The following MYH15 variants were observed in gnomAD, a reference collection of about 807,000 sequenced individuals.
The protein encoded by MYH15 is myosin heavy chain 15, also known as myosin-15.
In MYH15, 227 loss-of-function variants were observed where a neutral mutation model predicts 240.5. The observed-to-expected ratio is 0.94, with a 90% CI of 0.85 to 1.05. MYH15 has a LOEUF of 1.05. MYH15 is among the 50% of genes least tolerant of loss of function. MYH15 has a pLI of 0.00. For synonymous variants in MYH15, 785 were observed against 796.7 expected, an observed-to-expected ratio of 0.99 and a Z score of 0.25; for missense variants, 2,217 against 2,247.5, an observed-to-expected ratio of 0.99 and a Z score of 0.27.
chr3:108,470,008 A>T lies in MYH15; in HGVS notation c.1554+34T>A, dbSNP rs764664959. On this transcript the variant is annotated intron_variant, in intron 14 of 40. Coordinates refer to ENST00000693548, the MANE Select transcript of MYH15 (RefSeq NM_014981.3). ...TAGCAGGCAGGGACAATTCTCCCGA[A>T]ATGAAAATGGACAAAGAGAAAAACA... 26 of 1,581,200 alleles carry T rather than the reference A, an allele frequency of 1.6e-5. No homozygotes were observed. The South Asian group carries it at 3.0e-4, about 19-fold the overall frequency.
chr3:108,434,024 C>T (rs1034294055), intron 25 of MYH15, among the ~76,000 whole-genome samples: 3 of 151,850 alleles, frequency 2.0e-5, no homozygotes, highest in African/African-American at 4.8e-5. Flanking sequence ...ATATCACATA[C>T]ATTTGCATGT....
intron 12 of MYH15, 78 bp from the exon 13 acceptor site, chr3:108,470,925 G>A (rs2083168821): frequency 2.1e-6 from 3 of 1,447,908 alleles, no homozygotes; most frequent in South Asian, 2.7e-5. Context: ...ATCAGCAACT[G>A]CCTTCTAGTC....
rs967049645 is a variant in MYH15 at position 108,455,900 on chromosome 3, A to C, written c.2139-41T>G. 2.5e-6 allele frequency: 4 copies of C among 1,572,690 alleles called. No individual in the cohort carries two copies. The African/African-American group carries it at 5.4e-5, about 21-fold the overall frequency. On this transcript the variant is annotated intron_variant, in intron 19 of 40. Transcript: ENST00000693548. ...GAAAAAATCATGAGTTTGGGAAATC[A>C]TATTATTCAAATAAAGACTAATCTA... is the stretch of plus-strand genomic sequence containing the variant.
In MYH15 at chr3:108,389,011, C is replaced by T. The variant is rs1266807318; in HGVS notation, c.5494G>A (p.Ala1832Thr). The T allele has an allele frequency of 6.2e-7, 1 of 1,613,814 alleles. No individual in the cohort carries two copies. Among genetic ancestry groups the T allele is most frequent in the Non-Finnish European group, 8.5e-7 (1 of 1,179,846 alleles). ...IRRSAEAQRG[A>T]RRLERCIKEL... ...TTGATGCATCGCTCAAGTCTGCGGG[C>T]TCCCCTCTGGGCCTCTGCACTGCGA... The change falls in exon 38 of 41, where the codon GCC (alanine) becomes ACC (threonine). Residue 1832 changes from alanine (A) to threonine (T), a missense_variant. By Grantham distance (58) the Ala-to-Thr change is moderately conservative. Transcript: ENST00000693548.
chr3:108,479,928 T>C (rs1270732229), intron 11 of MYH15, among the ~76,000 whole-genome samples: 1 of 152,216 alleles, frequency 6.6e-6, no homozygotes, highest in African/African-American at 2.4e-5. Flanking sequence ...TATAATACAA[T>C]TTTTGAGCTG....
Position 108,384,446 on chromosome 3 carries a change from T to C in MYH15, c.5631+241A>G, listed in dbSNP as rs113473746. ...TTTACCTATCTCATTTCTTGTTGTG[T>C]ACCTGTTTGGGTGCAACCACAAAGG... On this transcript the variant is annotated intron_variant, in intron 39 of 40. Transcript: ENST00000693548. Among the ~76,000 whole-genome samples the C allele has an allele frequency of 2.5e-3, 385 of 152,274 alleles. 4 individuals carry two copies. The highest frequency in any genetic ancestry group is 8.3e-3 in the African/African-American group (343 of 41,546).
At chr3:108,397,119 A>C (rs928697135) in intron 35 of MYH15, among the ~76,000 whole-genome samples, 3 of 152,148 alleles carry the variant, frequency 2.0e-5, no homozygotes, top group Admixed American at 6.5e-5. Context: ...AAACTTCCTA[A>C]AATGCAAATC....
intron 6 of MYH15, among the ~76,000 whole-genome samples, chr3:108,497,201 C>T (rs1350647794): frequency 7.2e-6 from 1 of 139,728 alleles, no homozygotes; most frequent in Non-Finnish European, 1.5e-5. Flanking sequence ...TCAATGATAC[C>T]CAAAGAAATC....
chr3:108,466,068 A>G (rs923289468), intron 14 of MYH15, among the ~76,000 whole-genome samples: 1 of 152,250 alleles, frequency 6.6e-6, no homozygotes, highest in Non-Finnish European at 1.5e-5. Flanking sequence ...AGCATGCAAC[A>G]ACATGTAAAC....
intron 25 of MYH15, among the ~76,000 whole-genome samples, chr3:108,432,758 C>G (rs2082789633): frequency 6.6e-6 from 1 of 152,214 alleles, no homozygotes; most frequent in Non-Finnish European, 1.5e-5. Flanking sequence ...CAACTTCCAC[C>G]TGGTATGGAG....
chr3:108,542,790 A>G, the MYH15 span, among the ~76,000 whole-genome samples: 1 of 151,986 alleles, frequency 6.6e-6, no homozygotes, highest in Non-Finnish European at 1.5e-5. Flanking sequence ...AACTGAGAAC[A>G]TGCAGCGTTT....
chr3:108,499,567 C>A (rs1430820356), intron 4 of MYH15, 85 bp from the exon 5 acceptor site: 21 of 1,317,460 alleles, frequency 1.6e-5, no homozygotes, highest in Non-Finnish European at 2.1e-5. Context: ...TCCCTAGCTA[C>A]AATTTGAAAT....
intron 26 of MYH15, among the ~76,000 whole-genome samples, chr3:108,430,328 C>G (rs2082768500): frequency 6.6e-6 from 1 of 152,190 alleles, no homozygotes; most frequent in Non-Finnish European, 1.5e-5. Flanking sequence ...ATAAAACTCA[C>G]ATGGTCTAAA....
chr3:108,448,268 CT>C, intron 21 of MYH15, among the ~76,000 whole-genome samples: 1 of 151,954 alleles, frequency 6.6e-6, no homozygotes, highest in Non-Finnish European at 1.5e-5. Context: ...TTAATAATTA[CT>C]TTAAATATAA....
chr3:108,460,720 G>C (rs1379780010), intron 16 of MYH15, among the ~76,000 whole-genome samples: 2 of 151,962 alleles, frequency 1.3e-5, no homozygotes, highest in Admixed American at 1.3e-4. Context: ...ATGATGATGT[G>C]GATCCATATA....
chr3:108,446,297 CCTCCAGGCTAA>C (rs886300745), intron 21 of MYH15, among the ~76,000 whole-genome samples: 6 of 152,146 alleles, frequency 3.9e-5, no homozygotes, highest in Non-Finnish European at 7.4e-5. Context: ...GTGTATACAG[CCTCCAGGCTAA>C]TCTTCATGGA....
intron 21 of MYH15, among the ~76,000 whole-genome samples, chr3:108,451,404 A>G (rs971665838): frequency 6.6e-6 from 1 of 152,148 alleles, no homozygotes; most frequent in Non-Finnish European, 1.5e-5. Context: ...AATAAAAAAT[A>G]AAATAAAAAT....
intron 37 of MYH15, among the ~76,000 whole-genome samples, chr3:108,391,310 C>T (rs1416000439): frequency 6.6e-6 from 1 of 152,132 alleles, no homozygotes. Flanking sequence ...TCTGTCAGTC[C>T]TTACTGTATC....
chr3:108,505,716 T>C lies in MYH15; in HGVS notation c.195+7A>G, dbSNP rs2083470544. 3 of 1,576,710 alleles carry C rather than the reference T, an allele frequency of 1.9e-6. No homozygotes were observed. The highest frequency in any genetic ancestry group is 1.4e-5 in the African/African-American group (1 of 73,820). On this transcript the variant is annotated splice_region_variant and intron_variant, in intron 2 of 40. Coordinates refer to ENST00000693548, the MANE Select transcript of MYH15 (RefSeq NM_014981.3). ...TCATCACTGCAATGAAATAAAAATT[T>C]CTTTACCTCTCCATCTGCTGTCTCA...
Sources: gnomAD v4.1 joint callset for allele counts (sites outside exome capture counted in the v4.1 genomes callset) on GRCh38, gnomAD v4.1.1 for gene constraint, MANE v1.5 for transcripts, NCBI Gene and HGNC (gene_info 2026-07-23, HGNC 2026-07-21) for gene names.